Variants in LIFR observed in about 807,000 individuals in gnomAD.
LIFR encodes the protein leukemia inhibitory factor receptor.
In LIFR, 84 loss-of-function variants were observed where a neutral mutation model predicts 122.2. The observed-to-expected ratio is 0.69, with a 90% CI of 0.58 to 0.82. The LOEUF (loss-of-function observed/expected upper bound fraction) is 0.82. LIFR is among the 40% of genes least tolerant of loss of function. The pLI, the probability that LIFR is intolerant of heterozygous loss-of-function variation, is 0.00. For synonymous variants in LIFR, 422 were observed against 434.7 expected (o/e 0.97, Z 0.36); for missense variants, 1,294 against 1,311.6 (o/e 0.99, Z 0.21).
intron 5 of LIFR, among the ~76,000 whole-genome samples, chr5:38,513,138 C>A (rs1472094370): frequency 2.0e-5 from 3 of 152,072 alleles, no homozygotes; most frequent in African/African-American, 7.2e-5. Context: ...AAAGAGTAAA[C>A]AGATTTTTTT....
At chr5:38,547,312 C>A (rs1426157091) in intron 1 of LIFR, among the ~76,000 whole-genome samples, 1 of 152,156 alleles carries the variant, frequency 6.6e-6, no homozygotes, top group Non-Finnish European at 1.5e-5. Context: ...TGATTCATAA[C>A]TCTCCTAAAT....
chr5:38,592,429 G>A (rs1247034846), intron 1 of LIFR, among the ~76,000 whole-genome samples: 1 of 152,020 alleles, frequency 6.6e-6, no homozygotes, highest in Admixed American at 6.5e-5. Flanking sequence ...AGCCTGAGGT[G>A]GGCAGATCAG....
rs995497332 is a variant in LIFR at position 38,530,131 on chromosome 5, G to A, written c.142+375C>T. On this transcript the variant is annotated intron_variant, in intron 2 of 19. Transcript: ENST00000453190. ...TGTCTATGGAGACAAGGCAGTGCTG[G>A]CAGGGGATGGGCCTGGGAGGGCTGA... Among the ~76,000 whole-genome samples, 16 of 152,310 alleles carry A rather than the reference G, an allele frequency of 1.1e-4. No individual in the cohort carries two copies. In the East Asian group the frequency reaches 2.9e-3, roughly 28 times the overall value.
intron 11 of LIFR, among the ~76,000 whole-genome samples, 188 bp from the exon 12 acceptor site, chr5:38,499,771 G>A (rs902482758): frequency 3.3e-5 from 5 of 152,022 alleles, no homozygotes; most frequent in African/African-American, 1.2e-4. Context: ...CGGCCCCCTC[G>A]AATGGGTGAA....
At chr5:38,520,275 T>C (rs1298131014) in intron 5 of LIFR, among the ~76,000 whole-genome samples, 1 of 152,216 alleles carries the variant, frequency 6.6e-6, no homozygotes, top group Non-Finnish European at 1.5e-5. Context: ...TTTTGAGAAA[T>C]GTCTATTCAT....
At chr5:38,564,777 C>CACACAT (rs1748961840) in intron 1 of LIFR, among the ~76,000 whole-genome samples, 3 of 132,892 alleles carry the variant, frequency 2.3e-5, no homozygotes, top group Admixed American at 7.7e-5. Context: ...CACACACACA[C>CACACAT]ATATATTTTT....
intron 1 of LIFR, among the ~76,000 whole-genome samples, chr5:38,554,485 T>A (rs1748407460): frequency 6.6e-6 from 1 of 152,206 alleles, no homozygotes; most frequent in Non-Finnish European, 1.5e-5. Flanking sequence ...TATATCACAA[T>A]GAAGAGATTA....
chr5:38,515,633 G>GT (rs1259417138), intron 5 of LIFR, among the ~76,000 whole-genome samples: 1 of 151,788 alleles, frequency 6.6e-6, no homozygotes, highest in Non-Finnish European at 1.5e-5. Flanking sequence ...AAATGAGGCG[G>GT]TGGGGGGAGA....
chr5:38,504,309 C>A (rs1411508605), intron 9 of LIFR, among the ~76,000 whole-genome samples, 188 bp from the exon 10 acceptor site: 1 of 149,064 alleles, frequency 6.7e-6, no homozygotes, highest in African/African-American at 2.5e-5. Flanking sequence ...CATTTTTAAA[C>A]AATCGATCAT....
At chr5:38,522,716 A>C (rs929629182) in intron 5 of LIFR, among the ~76,000 whole-genome samples, 13 of 152,342 alleles carry the variant, frequency 8.5e-5, no homozygotes, top group African/African-American at 3.1e-4. Context: ...ACAATAAGAA[A>C]GTATGAAATA....
In LIFR at chr5:38,492,233, T is replaced by C. The variant is rs78345778; in HGVS notation, c.2065+1373A>G. 3.3e-3 allele frequency among the ~76,000 whole-genome samples: 497 copies of C among 152,326 alleles called. 4 individuals carry two copies. The highest frequency in any genetic ancestry group is 0.011 in the African/African-American group (473 of 41,572). ...ACCTAACTTCTCTGAGTTTTTGTTTTCTCAAGCTTTGTGTCTTTGTTCAAT... is the reference window on the plus strand; with the variant it reads ...ACCTAACTTCTCTGAGTTTTTGTTTCCTCAAGCTTTGTGTCTTTGTTCAAT... On this transcript the variant is annotated intron_variant, in intron 14 of 19. Coordinates refer to ENST00000453190, the MANE Select transcript of LIFR (RefSeq NM_001127671.2).
chr5:38,482,615 A>C lies in LIFR; in HGVS notation c.2644T>G (p.Leu882Val), dbSNP rs766609118. 1 of 1,508,606 alleles carries C rather than the reference A, an allele frequency of 6.6e-7. No individual in the cohort carries two copies. Among genetic ancestry groups the C allele is most frequent in the East Asian group, 2.3e-5 (1 of 43,364 alleles). 93.5% of individuals were successfully genotyped at this position (1,508,606 alleles called of 1,614,324 possible). ...TCACAGACACTCTTTTGAAACTGTA[A>C]TGCTTTACAGTTTTCTGGATTTGGA... The part of the protein sequence containing the change: ...DIPNPENCKA[L>V]QFQKSVCEGS... Residue 882 changes from leucine (L) to valine (V), a missense_variant, in exon 19 of 20, where the codon TTA (leucine) becomes GTA (valine). Transcript: ENST00000453190.
At chr5:38,507,097 A>G (rs542314860) in intron 7 of LIFR, among the ~76,000 whole-genome samples, 17 of 152,174 alleles carry the variant, frequency 1.1e-4, no homozygotes, top group Non-Finnish European at 2.2e-4. Flanking sequence ...AAAATACATT[A>G]TAAGTACTGT....
chr5:38,568,664 G>A (rs974153630), intron 1 of LIFR, among the ~76,000 whole-genome samples: 1 of 152,126 alleles, frequency 6.6e-6, no homozygotes, highest in East Asian at 1.9e-4. Context: ...ATGCTGGTTG[G>A]GCATCATCTA....
rs573198657 is a variant in LIFR at position 38,591,992 on chromosome 5, A to G, written c.-20+3269T>C. On this transcript the variant is annotated intron_variant, in intron 1 of 19. Transcript: ENST00000263409. ...CCCTGGACTGGTTGGTGGCACAGAC[A>G]TGCTTACCACTAACTCCAGCCTCCC... is the stretch of plus-strand genomic sequence containing the variant. Among the ~76,000 whole-genome samples, 22 of 152,306 alleles carry G rather than the reference A, an allele frequency of 1.4e-4. 1 individual carries two copies. The South Asian group carries it at 4.6e-3, about 32-fold the overall frequency.
At chr5:38,496,147 C>T (rs992725729) in intron 13 of LIFR, among the ~76,000 whole-genome samples, 1 of 152,160 alleles carries the variant, frequency 6.6e-6, no homozygotes, top group Non-Finnish European at 1.5e-5. Context: ...CCAATATTAT[C>T]CACTATAGTT....
chr5:38,530,393 G>A, intron 2 of LIFR, 113 bp downstream of exon 2: 1 of 863,836 alleles, frequency 1.2e-6, no homozygotes, highest in Non-Finnish European at 1.9e-6. Context: ...CAAAAAAAAT[G>A]AATTTTAACC....
Position 38,517,494 on chromosome 5 carries a change from T to C in LIFR, c.562-5530A>G, listed in dbSNP as rs189029729. ...CCTGCAGAACTGTATCAAAGCTAGC[T>C]GCAAATTAGATTAACAGACAAGACT... is the stretch of plus-strand genomic sequence containing the variant. On this transcript the variant is annotated intron_variant, in intron 5 of 19. Coordinates refer to ENST00000453190, the MANE Select transcript of LIFR (RefSeq NM_001127671.2). Among the ~76,000 whole-genome samples, 204 of 152,164 alleles carry C rather than the reference T, an allele frequency of 1.3e-3. 2 individuals carry two copies. The highest frequency in any genetic ancestry group is 7.5e-4 in the Non-Finnish European group (51 of 68,002).
intron 2 of LIFR, among the ~76,000 whole-genome samples, chr5:38,530,142 G>T (rs1237609732): frequency 6.6e-6 from 1 of 152,198 alleles, no homozygotes; most frequent in Admixed American, 6.5e-5. Flanking sequence ...CAGGGGATGG[G>T]CCTGGGAGGG....
Sources: gnomAD v4.1 joint callset for allele counts (sites outside exome capture counted in the v4.1 genomes callset) on GRCh38, gnomAD v4.1.1 for gene constraint, MANE v1.5 for transcripts, NCBI Gene and HGNC (gene_info 2026-07-23, HGNC 2026-07-21) for gene names.